Variants in TNIK observed in about 807,000 individuals in gnomAD.
TNIK encodes TRAF2 and NCK interacting kinase, also known as TRAF2 and NCK-interacting protein kinase.
TNIK carries 49 observed loss-of-function variants against 191.3 expected under a neutral mutation model. That is an observed-to-expected ratio of 0.26 (90% CI 0.20 to 0.32). TNIK has a LOEUF of 0.32. Among genes scored for constraint, TNIK ranks in the 10% least tolerant of loss-of-function variants. TNIK has a pLI of 1.00. For missense variants in TNIK, 1,155 were observed against 1,702.3 expected (o/e 0.68, Z 5.66); for synonymous variants, 594 against 600.9 (o/e 0.99, Z 0.17).
chr3:171,146,735 C>CA (rs1417506962), intron 12 of TNIK, among the ~76,000 whole-genome samples: 1 of 151,884 alleles, frequency 6.6e-6, no homozygotes, highest in South Asian at 2.1e-4. Context: ...ACTAAAAATA[C>CA]AAAAATTAGC....
intron 2 of TNIK, chr3:171,347,117 G>C: frequency 6.6e-7 from 1 of 1,503,936 alleles, no homozygotes; most frequent in Non-Finnish European, 8.8e-7. Context: ...TAGGAAATAG[G>C]ATCAGCTGGG....
At chr3:171,131,135 G>A (rs1020966730) in intron 15 of TNIK, among the ~76,000 whole-genome samples, 4 of 151,602 alleles carry the variant, frequency 2.6e-5, no homozygotes, top group Admixed American at 2.6e-4. Flanking sequence ...TCAGGAGATC[G>A]AGACCATCCT....
chr3:171,065,439 C>T lies in TNIK; in HGVS notation c.3999+748G>A, dbSNP rs116252323. Among the ~76,000 whole-genome samples, 443 of 152,314 alleles carry T rather than the reference C, an allele frequency of 2.9e-3. 6 individuals are homozygous for T. Among genetic ancestry groups the T allele is most frequent in the African/African-American group, 0.01 (417 of 41,568 alleles). ...ACCCATCATACTGTTTTTCTATAGGCGTTTATGTCTGTGGCTTTGGGGACA... is the reference window on the plus strand; with the variant it reads ...ACCCATCATACTGTTTTTCTATAGGTGTTTATGTCTGTGGCTTTGGGGACA... On this transcript the variant is annotated intron_variant, in intron 32 of 32. Transcript: ENST00000436636.
chr3:171,225,814 CA>C, intron 3 of TNIK: 1 of 349,122 alleles, frequency 2.9e-6, no homozygotes, highest in Non-Finnish European at 5.6e-6. Context: ...TTAATGACAT[CA>C]GTGGAACTCT....
intron 2 of TNIK, among the ~76,000 whole-genome samples, chr3:171,350,425 T>C (rs997329242): frequency 4.6e-5 from 7 of 152,122 alleles, no homozygotes; most frequent in Admixed American, 1.3e-4. Context: ...AAAAGCTCTC[T>C]ATGACATTTG....
intron 2 of TNIK, among the ~76,000 whole-genome samples, chr3:171,361,198 A>G (rs1714921331): frequency 6.6e-6 from 1 of 152,176 alleles, no homozygotes; most frequent in Non-Finnish European, 1.5e-5. Flanking sequence ...CCCCAGCCCA[A>G]CATCAGACAA....
intron 4 of TNIK, 146 bp from the exon 5 acceptor site, chr3:171,194,781 G>T: frequency 1.6e-6 from 1 of 628,090 alleles, no homozygotes; most frequent in Non-Finnish European, 2.7e-6. Flanking sequence ...TAAAACACAA[G>T]CTTTTACCTT....
chr3:171,397,386 G>A (rs1030450463), intron 1 of TNIK, among the ~76,000 whole-genome samples: 5 of 152,116 alleles, frequency 3.3e-5, no homozygotes, highest in East Asian at 1.9e-4. Context: ...ACACAGTAAC[G>A]CCTCTGAATT....
At chr3:171,328,144 T>G (rs1485055112) in intron 2 of TNIK, among the ~76,000 whole-genome samples, 1 of 152,170 alleles carries the variant, frequency 6.6e-6, no homozygotes, top group Non-Finnish European at 1.5e-5. Flanking sequence ...ACAAAGGCTC[T>G]GCCCTCATAG....
intron 1 of TNIK, among the ~76,000 whole-genome samples, chr3:171,456,639 T>C (rs1491663): frequency 0.73 from 111,773 of 152,074 alleles, 42,013 homozygotes; most frequent in African/African-American, 0.89. Context: ...GTCGTTTGCC[T>C]GCAGAGTAGG....
At chr3:171,228,842 C>T (rs562635643) in intron 2 of TNIK, among the ~76,000 whole-genome samples, 3 of 152,122 alleles carry the variant, frequency 2.0e-5, no homozygotes, top group African/African-American at 7.2e-5. Context: ...AAATCAGAAA[C>T]GAGTAGGGAG....
At chr3:171,414,443 A>G (rs1722793482) in intron 1 of TNIK, among the ~76,000 whole-genome samples, 1 of 152,236 alleles carries the variant, frequency 6.6e-6, no homozygotes, top group Non-Finnish European at 1.5e-5. Context: ...CAAAACTATA[A>G]CAAAGGTCTA....
chr3:171,445,029 T>G (rs1164861639), intron 1 of TNIK, among the ~76,000 whole-genome samples: 1 of 152,068 alleles, frequency 6.6e-6, no homozygotes. Context: ...AAACTATCTT[T>G]TAAACATTTA....
Position 171,193,110 on chromosome 3 carries a change from G to T in TNIK, c.417+1415C>A, listed in dbSNP as rs1019922775. On this transcript the variant is annotated intron_variant, in intron 5 of 32. Coordinates refer to ENST00000436636, the MANE Select transcript of TNIK (RefSeq NM_015028.4). Reference sequence around the variant, plus strand: ...AACCCTTTCCTTTGACACAGACCAGGTATCATCCATATGATGTGGGTCTGT... The same window carrying T: ...AACCCTTTCCTTTGACACAGACCAGTTATCATCCATATGATGTGGGTCTGT... Among the ~76,000 whole-genome samples the T allele has an allele frequency of 7.2e-5, 11 of 152,126 alleles. No individual in the cohort carries two copies. In the South Asian group the frequency reaches 2.3e-3, roughly 32 times the overall value.
At chr3:171,459,437 G>A (rs1212506974) in intron 1 of TNIK, among the ~76,000 whole-genome samples, 2 of 152,210 alleles carry the variant, frequency 1.3e-5, no homozygotes, top group African/African-American at 4.8e-5. Flanking sequence ...AGGGCGCCCG[G>A]GCGCGGGAGG....
At chr3:171,257,659 G>A (rs1747055377) in intron 2 of TNIK, among the ~76,000 whole-genome samples, 2 of 152,124 alleles carry the variant, frequency 1.3e-5, no homozygotes, top group African/African-American at 2.4e-5. Flanking sequence ...AGCCTAGCTG[G>A]GGTTCCCACC....
chr3:171,288,924 G>GA lies in TNIK; in HGVS notation c.124-60704dup, dbSNP rs11307705. Among the ~76,000 whole-genome samples the GA allele has an allele frequency of 1.1e-3, 168 of 150,922 alleles. 1 individual carries two copies. Among genetic ancestry groups the GA allele is most frequent in the African/African-American group, 3.4e-3 (140 of 41,118 alleles). ...AAGTAGAATGAAATGAAATCTTTTTGAAAAAAAACATTTAAAAAATTAAAT... is the reference window on the plus strand; with the variant it reads ...AAGTAGAATGAAATGAAATCTTTTTGAAAAAAAAACATTTAAAAAATTAAAT... On this transcript the variant is annotated intron_variant, in intron 2 of 32. Coordinates refer to ENST00000436636, the MANE Select transcript of TNIK (RefSeq NM_015028.4).
intron 28 of TNIK, among the ~76,000 whole-genome samples, chr3:171,073,353 C>T (rs1478430660): frequency 6.6e-6 from 1 of 152,054 alleles, no homozygotes; most frequent in East Asian, 1.9e-4. Context: ...AAACTAGATC[C>T]TTATCTCTTA....
chr3:171,297,181 G>A (rs1305902360), intron 2 of TNIK, among the ~76,000 whole-genome samples: 4 of 152,142 alleles, frequency 2.6e-5, no homozygotes, highest in East Asian at 1.9e-4. Context: ...GACCGGGGGC[G>A]GAAGGAAGAG....
Sources: gnomAD v4.1 joint callset for allele counts (sites outside exome capture counted in the v4.1 genomes callset) on GRCh38, gnomAD v4.1.1 for gene constraint, MANE v1.5 for transcripts, NCBI Gene and HGNC (gene_info 2026-07-23, HGNC 2026-07-21) for gene names.